Variants in SLX4IP observed in about 807,000 individuals in gnomAD.
SLX4IP encodes the protein protein SLX4IP.
SLX4IP carries 34 observed loss-of-function variants against 32.9 expected under a neutral mutation model. That is an observed-to-expected ratio of 1.03 (90% confidence interval 0.79 to 1.38). The LOEUF is 1.38. SLX4IP is among the 40% of genes most tolerant of loss of function. The pLI is 0.00. For missense variants in SLX4IP, 444 were observed against 479.0 expected (o/e 0.93, Z 0.68); for synonymous variants, 172 against 171.7 (o/e 1.00, Z -0.01).
chr20:10,515,425 C>G (rs1224640172), intron 2 of SLX4IP, among the ~76,000 whole-genome samples: 1 of 152,116 alleles, frequency 6.6e-6, no homozygotes, highest in African/African-American at 2.4e-5. Flanking sequence ...TCTGGTGAAA[C>G]AGGTGTGCCT....
intron 2 of SLX4IP, among the ~76,000 whole-genome samples, chr20:10,470,972 T>G (rs1568696123): frequency 6.6e-6 from 1 of 152,194 alleles, no homozygotes; most frequent in Non-Finnish European, 1.5e-5. Context: ...TGGGTGAATT[T>G]TATTACCCCT....
At chr20:10,493,225 G>T (rs2065639859) in intron 2 of SLX4IP, among the ~76,000 whole-genome samples, 1 of 152,160 alleles carries the variant, frequency 6.6e-6, no homozygotes, top group Admixed American at 6.5e-5. Flanking sequence ...GTAATATTGA[G>T]TTCGTAGATT....
At chr20:10,555,640 T>C (rs1307597525) in intron 2 of SLX4IP, among the ~76,000 whole-genome samples, 1 of 152,072 alleles carries the variant, frequency 6.6e-6, no homozygotes, top group African/African-American at 2.4e-5. Flanking sequence ...AAGAACAGAG[T>C]CAGGCTTTGT....
chr20:10,445,311 C>CTTTTTTTTTTTTTTTTT (rs36058168), intron 1 of SLX4IP, among the ~76,000 whole-genome samples: 6 of 90,192 alleles, frequency 6.7e-5, no homozygotes, highest in Non-Finnish European at 1.1e-4. Flanking sequence ...TTTTTTCTTT[C>CTTTTTTTTTTTTTTTTT]TTTTTTTTTT....
Position 10,625,275 on chromosome 20 carries a change from T to C in SLX4IP, c.*1896T>C, listed in dbSNP as rs1267330230. 6.6e-6 allele frequency: 1 copy of C among 152,132 alleles called. No homozygotes were observed. Among genetic ancestry groups the C allele is most frequent in the East Asian group, 1.9e-4 (1 of 5,200 alleles). 9.4% of individuals were successfully genotyped at this position (152,132 alleles called of 1,614,324 possible). A position where few individuals can be genotyped will look rare whatever the true frequency, so the allele number is the denominator to read the frequency against. On this transcript the variant is annotated 3_prime_UTR_variant, in exon 8 of 8. Coordinates refer to ENST00000334534, the MANE Select transcript of SLX4IP (RefSeq NM_001009608.3). ...ACTGAATCTTCTTAAACAGAAGCAA[T>C]TAGAACGATTTAGATATAGGGAGGG... is the stretch of plus-strand genomic sequence containing the variant.
At chr20:10,537,424 C>A (rs1365027843) in intron 2 of SLX4IP, among the ~76,000 whole-genome samples, 1 of 152,182 alleles carries the variant, frequency 6.6e-6, no homozygotes, top group Middle Eastern at 3.2e-3. Context: ...TGAATACTTA[C>A]AAAGGAAACA....
intron 1 of SLX4IP, among the ~76,000 whole-genome samples, chr20:10,445,311 CTTTT>C (rs36058168): frequency 8.9e-5 from 8 of 90,184 alleles, no homozygotes; most frequent in African/African-American, 2.7e-4. Flanking sequence ...TTTTTTCTTT[CTTTT>C]TTTTTTTTTT....
At chr20:10,586,375 T>G (rs978642287) in intron 4 of SLX4IP, among the ~76,000 whole-genome samples, 6 of 152,224 alleles carry the variant, frequency 3.9e-5, no homozygotes, top group African/African-American at 1.4e-4. Context: ...TGGTTATAGC[T>G]AGGCATTTGC....
chr20:10,489,013 A>G (rs981352344), intron 2 of SLX4IP, among the ~76,000 whole-genome samples: 1 of 152,146 alleles, frequency 6.6e-6, no homozygotes, highest in Admixed American at 6.5e-5. Context: ...TTCCTTCCCT[A>G]GATTTGTAGA....
intron 2 of SLX4IP, among the ~76,000 whole-genome samples, chr20:10,516,584 CA>C (rs2065851811): frequency 6.6e-6 from 1 of 152,174 alleles, no homozygotes; most frequent in African/African-American, 2.4e-5. Context: ...TGTTTTGTAA[CA>C]AATCAGATTC....
intron 2 of SLX4IP, among the ~76,000 whole-genome samples, chr20:10,486,866 T>G (rs1228304372): frequency 1.3e-5 from 2 of 152,028 alleles, no homozygotes; most frequent in Admixed American, 6.6e-5. Flanking sequence ...GATTCTAGCC[T>G]GAAAGAAAAT....
chr20:10,495,218 C>G (rs574736585), intron 2 of SLX4IP, among the ~76,000 whole-genome samples: 9 of 152,184 alleles, frequency 5.9e-5, no homozygotes, highest in African/African-American at 2.2e-4. Context: ...TTATTAATTT[C>G]TAAGTATTTT....
chr20:10,553,896 C>G (rs1348932087), intron 2 of SLX4IP, among the ~76,000 whole-genome samples: 1 of 152,178 alleles, frequency 6.6e-6, no homozygotes, highest in Non-Finnish European at 1.5e-5. Context: ...ACCTGGTAAA[C>G]TTCATTTGGG....
Position 10,545,090 on chromosome 20 carries a change from TGGCTGCTGGTACTCTGGGAACC to T in SLX4IP, c.28-11124_28-11103del, listed in dbSNP as rs894862356. Among the ~76,000 whole-genome samples the T allele has an allele frequency of 2.0e-5, 3 of 152,230 alleles. No homozygotes were observed. The East Asian group carries it at 5.8e-4, about 29-fold the overall frequency. The stretch of plus-strand genomic sequence containing the variant: ...ATCAAATCAGCTTCAGGAGATGCTG[TGGCTGCTGGTACTCTGGGAACC>T]GGCTGCTGGTACTCTGAGAACCGGT... On this transcript the variant is annotated intron_variant, in intron 2 of 7. Transcript: ENST00000334534.
chr20:10,479,071 G>T (rs1180635438), intron 2 of SLX4IP, among the ~76,000 whole-genome samples: 1 of 152,206 alleles, frequency 6.6e-6, no homozygotes, highest in Non-Finnish European at 1.5e-5. Context: ...CCAGATTCGG[G>T]ACTGGCATTG....
At chr20:10,503,271 G>T (rs980702600) in intron 2 of SLX4IP, among the ~76,000 whole-genome samples, 1 of 152,190 alleles carries the variant, frequency 6.6e-6, no homozygotes, top group South Asian at 2.1e-4. Flanking sequence ...GGTCTACAGG[G>T]TTAAACTAGC....
At chr20:10,437,738 T>C (rs760753770) in intron 1 of SLX4IP, among the ~76,000 whole-genome samples, 42 of 152,372 alleles carry the variant, frequency 2.8e-4, no homozygotes, top group Non-Finnish European at 5.1e-4. Context: ...TGAATGTTTA[T>C]ATTCTGTGAG....
intron 2 of SLX4IP, among the ~76,000 whole-genome samples, chr20:10,542,373 G>A (rs2066117093): frequency 6.6e-6 from 1 of 152,100 alleles, no homozygotes; most frequent in Non-Finnish European, 1.5e-5. Flanking sequence ...ATCCCTTAAG[G>A]CCCTAGAGAA....
chr20:10,494,270 A>G (rs62185061), intron 2 of SLX4IP, among the ~76,000 whole-genome samples: 30,933 of 151,494 alleles, frequency 0.2, 3,667 homozygotes, highest in Admixed American at 0.27. Context: ...GACTTCATAA[A>G]ACTCTCTCGT....
Sources: gnomAD v4.1 joint callset for allele counts (sites outside exome capture counted in the v4.1 genomes callset) on GRCh38, gnomAD v4.1.1 for gene constraint, MANE v1.5 for transcripts, NCBI Gene and HGNC (gene_info 2026-07-23, HGNC 2026-07-21) for gene names.